Variants in PHF21B observed in about 807,000 individuals in gnomAD.
PHF21B encodes the protein PHD finger protein 4.
Under a neutral mutation model 62.2 loss-of-function variants are expected in PHF21B, and 22 were observed. The observed-to-expected ratio is 0.35, with a 90% CI of 0.25 to 0.51. The LOEUF is 0.51. Ranked by LOEUF, PHF21B falls within the 20% of genes least tolerant of loss-of-function variation. PHF21B has a pLI of 0.97. For missense variants in PHF21B, 701 were observed against 707.9 expected (o/e 0.99, Z 0.11); for synonymous variants, 341 against 314.7 (o/e 1.08, Z -0.88).
intron 6 of PHF21B, among the ~76,000 whole-genome samples, chr22:44,894,241 A>C (rs2071018214): frequency 6.6e-6 from 1 of 152,258 alleles, no homozygotes; most frequent in Non-Finnish European, 1.5e-5. Context: ...AGAATTAAGG[A>C]TATCACAGCA....
At chr22:44,890,378 T>C (rs1050202541) in intron 8 of PHF21B, among the ~76,000 whole-genome samples, 4 of 152,202 alleles carry the variant, frequency 2.6e-5, no homozygotes, top group African/African-American at 7.2e-5. Flanking sequence ...ATATATATCT[T>C]TCAGGTTCCA....
intron 2 of PHF21B, among the ~76,000 whole-genome samples, chr22:44,974,152 G>A (rs1024199649): frequency 6.6e-6 from 1 of 152,162 alleles, no homozygotes; most frequent in Non-Finnish European, 1.5e-5. Context: ...GGTGGCTCAC[G>A]TCTGTAATCC....
Position 45,009,649 on chromosome 22 carries a change from T to A in PHF21B, c.-100A>T. The A allele has an allele frequency of 4.4e-6, 5 of 1,145,286 alleles. No homozygotes were observed. Among genetic ancestry groups the A allele is most frequent in the South Asian group, 1.7e-5 (1 of 58,912 alleles). 70.9% of individuals were successfully genotyped at this position (1,145,286 alleles called of 1,614,324 possible). A position where few individuals can be genotyped will look rare whatever the true frequency, so the allele number is the denominator to read the frequency against. ...AGAGCGGGCGCGGGCGGACGCGGCCTCCGGGCTGGGTTGGGGGGGACACGA... is the reference window on the plus strand; with the variant it reads ...AGAGCGGGCGCGGGCGGACGCGGCCACCGGGCTGGGTTGGGGGGGACACGA... On this transcript the variant is annotated 5_prime_UTR_variant, in exon 1 of 13. Transcript: ENST00000313237. The surrounding 1 kb of genome is among the most constrained non-coding windows in gnomAD (Gnocchi z 5.9).
At chr22:44,956,443 G>T (rs541005943) in intron 2 of PHF21B, among the ~76,000 whole-genome samples, 62 of 152,326 alleles carry the variant, frequency 4.1e-4, no homozygotes, top group African/African-American at 1.5e-3. Context: ...CCCCATTAGG[G>T]CCCCAGCAAG....
rs547006936 is a variant in PHF21B at position 44,898,125 on chromosome 22, G to A, written c.832-2042C>T. Among the ~76,000 whole-genome samples, 4 of 152,222 alleles carry A rather than the reference G, an allele frequency of 2.6e-5. No homozygotes were observed. In the South Asian group the frequency reaches 6.2e-4, roughly 24 times the overall value. On this transcript the variant is annotated intron_variant, in intron 5 of 12. Coordinates refer to ENST00000313237, the MANE Select transcript of PHF21B (RefSeq NM_138415.5). Reference sequence around the variant, plus strand: ...GCCCAGCCCTTTGTTTTCTGTCCCAGGATCCCACATGATATTTAGATATCA... The same window carrying A: ...GCCCAGCCCTTTGTTTTCTGTCCCAAGATCCCACATGATATTTAGATATCA...
chr22:44,997,955 C>T (rs2073150224), intron 2 of PHF21B, among the ~76,000 whole-genome samples: 1 of 152,204 alleles, frequency 6.6e-6, no homozygotes, highest in Non-Finnish European at 1.5e-5. Flanking sequence ...CCGTAACAAG[C>T]CCACAGCTGG....
At chr22:44,926,280 C>T (rs987330589) in intron 2 of PHF21B, among the ~76,000 whole-genome samples, 3 of 152,218 alleles carry the variant, frequency 2.0e-5, no homozygotes, top group Non-Finnish European at 2.9e-5. Context: ...GGCATGTCCC[C>T]GCGGTGGATT....
chr22:44,884,228 CACT>C (rs752794962), intron 12 of PHF21B, among the ~76,000 whole-genome samples: 4,796 of 145,076 alleles, frequency 0.033, 213 homozygotes, highest in Middle Eastern at 0.059. Context: ...CCACCACCAC[CACT>C]GTGATCAGCA....
chr22:44,898,615 T>C (rs1331574587), intron 5 of PHF21B, among the ~76,000 whole-genome samples: 3 of 152,228 alleles, frequency 2.0e-5, no homozygotes, highest in African/African-American at 2.4e-5. Context: ...TTTTAAATTA[T>C]AGTAAAAATT....
intron 5 of PHF21B, among the ~76,000 whole-genome samples, chr22:44,903,105 C>T (rs1249753154): frequency 1.3e-5 from 2 of 152,216 alleles, no homozygotes; most frequent in Non-Finnish European, 2.9e-5. Flanking sequence ...CTCCAGGAGA[C>T]ATATTTTGCC....
At chr22:44,933,041 C>A (rs1429605415) in intron 2 of PHF21B, among the ~76,000 whole-genome samples, 1 of 152,176 alleles carries the variant, frequency 6.6e-6, no homozygotes, top group Non-Finnish European at 1.5e-5. Context: ...GTCCTGTCCT[C>A]GGGGACAGAC....
chr22:44,977,993 G>A (rs949638519), intron 2 of PHF21B, among the ~76,000 whole-genome samples: 1 of 152,060 alleles, frequency 6.6e-6, no homozygotes, highest in South Asian at 2.1e-4. Context: ...GTTGCACGTG[G>A]CCTCACTCAT....
intron 2 of PHF21B, among the ~76,000 whole-genome samples, chr22:44,939,855 G>A (rs2071922089): frequency 6.6e-6 from 1 of 152,184 alleles, no homozygotes; most frequent in South Asian, 2.1e-4. Context: ...GCCCACGGAG[G>A]CAGGGAGACC....
rs1229530346 is a variant in PHF21B at position 45,009,599 on chromosome 22, G to A, written c.-50C>T. ...CGCTCACTTTGGCCCGGGCTCCCGG[G>A]AAGTTGCGCGGCTCCGCGGGGGCCA... On this transcript the variant is annotated 5_prime_UTR_variant, in exon 1 of 13. Transcript: ENST00000313237. The surrounding 1 kb of genome is among the most constrained non-coding windows in gnomAD (Gnocchi z 5.9). 2.7e-6 allele frequency: 4 copies of A among 1,505,210 alleles called. No homozygotes were observed. Among genetic ancestry groups the A allele is most frequent in the African/African-American group, 1.4e-5 (1 of 69,564 alleles). 93.2% of individuals were successfully genotyped at this position (1,505,210 alleles called of 1,614,324 possible). A position where few individuals can be genotyped will look rare whatever the true frequency, so the allele number is the denominator to read the frequency against.
At chr22:44,917,788 G>C (rs1002580005) in intron 3 of PHF21B, among the ~76,000 whole-genome samples, 2 of 152,202 alleles carry the variant, frequency 1.3e-5, no homozygotes, top group African/African-American at 4.8e-5. Context: ...GGTCCAGGGT[G>C]GCTCCTACAG....
At chr22:44,973,730 G>A (rs1442771507) in intron 2 of PHF21B, among the ~76,000 whole-genome samples, 2 of 151,956 alleles carry the variant, frequency 1.3e-5, no homozygotes, top group Non-Finnish European at 2.9e-5. Flanking sequence ...AGTACCCACT[G>A]TATTCCCAGC....
chr22:44,899,001 C>T (rs1483585990), intron 5 of PHF21B, among the ~76,000 whole-genome samples: 1 of 152,180 alleles, frequency 6.6e-6, no homozygotes, highest in Non-Finnish European at 1.5e-5. Context: ...AAATCTGCCT[C>T]TCTAGGAGCT....
In PHF21B at chr22:44,916,532, G is replaced by T. The variant is rs763789439; in HGVS notation, c.312C>A (p.Val104=). Residue 104 remains valine, a synonymous_variant, in exon 4 of 13, where the codon GTC becomes GTA. Transcript: ENST00000313237. ...GGGCTGGGCTGGGGTTCTTGACGCTGACCACGGTGGCCTTCTGGAATGTTG... is the reference window on the plus strand; with the variant it reads ...GGGCTGGGCTGGGGTTCTTGACGCTTACCACGGTGGCCTTCTGGAATGTTG... ...QPPTFQKATV[V]SVKNPSPALP... 2.5e-6 allele frequency: 4 copies of T among 1,609,714 alleles called. No homozygotes were observed. Among genetic ancestry groups the T allele is most frequent in the Non-Finnish European group, 3.4e-6 (4 of 1,179,912 alleles).
intron 2 of PHF21B, among the ~76,000 whole-genome samples, chr22:44,950,194 C>T (rs552913208): frequency 5.9e-5 from 9 of 152,360 alleles, no homozygotes; most frequent in African/African-American, 1.7e-4. Context: ...TCCTCATGCA[C>T]ATCCTCCTGA....
Sources: allele counts gnomAD v4.1 joint callset (sites outside exome capture counted in the v4.1 genomes callset), GRCh38; gene constraint gnomAD v4.1.1; non-coding constraint Gnocchi (gnomAD v3.1); transcripts MANE v1.5; gene names NCBI Gene and HGNC (gene_info 2026-07-23, HGNC 2026-07-21).